Variants in UBE2R2 observed in about 807,000 individuals in gnomAD.
UBE2R2 encodes ubiquitin conjugating enzyme E2 R2, also known as ubiquitin-conjugating enzyme E2 R2.
UBE2R2 carries 1 observed loss-of-function variant against 27.8 expected under a neutral mutation model. The observed-to-expected ratio is 0.04, with a 90% confidence interval of 0.01 to 0.17. UBE2R2 has a LOEUF of 0.17. Among genes scored for constraint, UBE2R2 ranks in the 10% least tolerant of loss-of-function variants. The pLI, the probability that UBE2R2 is intolerant of heterozygous loss-of-function variation, is 1.00. For synonymous variants in UBE2R2, 106 were observed against 113.3 expected (o/e 0.94, Z 0.41); for missense variants, 100 against 291.0 (o/e 0.34, Z 4.78).
At chr9:33,905,479 A>G (rs540143020) in intron 3 of UBE2R2, among the ~76,000 whole-genome samples, 2 of 152,276 alleles carry the variant, frequency 1.3e-5, no homozygotes, top group East Asian at 1.9e-4. Flanking sequence ...CAACCTGCCA[A>G]TTCCATTCTC....
At chr9:33,827,376 C>G (rs914423470) in intron 1 of UBE2R2, among the ~76,000 whole-genome samples, 5 of 152,158 alleles carry the variant, frequency 3.3e-5, no homozygotes, top group African/African-American at 9.6e-5. Flanking sequence ...CACCGTGGCT[C>G]ACGCCTGTAA....
chr9:33,886,516 G>T (rs1280169211), intron 1 of UBE2R2, among the ~76,000 whole-genome samples: 1 of 152,028 alleles, frequency 6.6e-6, no homozygotes, highest in African/African-American at 2.4e-5. Flanking sequence ...TTAGCCGGAC[G>T]TGGTGGCGTG....
intron 1 of UBE2R2, among the ~76,000 whole-genome samples, chr9:33,829,793 G>GTTTTT (rs36079457): frequency 3.1e-5 from 3 of 97,176 alleles, no homozygotes; most frequent in Non-Finnish European, 6.2e-5. Context: ...TAGTGCAATC[G>GTTTTT]TTTTTTTTTT....
rs763848223 is a variant in UBE2R2 at position 33,839,848 on chromosome 9, G to A, written c.177+21914G>A. ...CTGTCTCTACAAAAAAATCTAATAA[G>A]TTAGCCAAGTGTGGTGGTCTACCTG... is the stretch of plus-strand genomic sequence containing the variant. On this transcript the variant is annotated intron_variant, in intron 1 of 4. Coordinates refer to ENST00000263228, the MANE Select transcript of UBE2R2 (RefSeq NM_017811.4). 2.0e-5 allele frequency among the ~76,000 whole-genome samples: 3 copies of A among 152,086 alleles called. No individual in the cohort carries two copies. In the South Asian group the frequency reaches 6.2e-4, roughly 32 times the overall value.
chr9:33,835,212 A>T (rs1820591256), intron 1 of UBE2R2, among the ~76,000 whole-genome samples: 1 of 133,008 alleles, frequency 7.5e-6, no homozygotes, highest in Non-Finnish European at 1.5e-5. Context: ...TAATGGCATG[A>T]TCTTGGCTCA....
chr9:33,894,212 G>A (rs778598427), intron 2 of UBE2R2, among the ~76,000 whole-genome samples: 5 of 152,006 alleles, frequency 3.3e-5, no homozygotes, highest in Non-Finnish European at 7.4e-5. Context: ...CAGGAGGATT[G>A]CTTGAGGCTA....
chr9:33,846,549 G>T (rs1406977501), intron 1 of UBE2R2, among the ~76,000 whole-genome samples: 1 of 151,966 alleles, frequency 6.6e-6, no homozygotes, highest in African/African-American at 2.4e-5. Context: ...GTTAAGCAAT[G>T]ACAATAAAAA....
intron 1 of UBE2R2, among the ~76,000 whole-genome samples, chr9:33,885,974 T>C (rs1821844125): frequency 1.3e-5 from 2 of 152,190 alleles, no homozygotes; most frequent in South Asian, 4.1e-4. Context: ...AAATGGTTCA[T>C]GTAGGTATAC....
chr9:33,820,466 T>C (rs1031371533), intron 1 of UBE2R2, among the ~76,000 whole-genome samples: 1 of 152,230 alleles, frequency 6.6e-6, no homozygotes, highest in African/African-American at 2.4e-5. Flanking sequence ...TTTTATCCCA[T>C]TAGTTGTTCA....
intron 1 of UBE2R2, among the ~76,000 whole-genome samples, chr9:33,877,848 T>TCTCTCTCTCTCTCTCTCTCTCTCTCC (rs1554675202): frequency 6.6e-6 from 1 of 151,342 alleles, no homozygotes; most frequent in African/African-American, 2.4e-5. Flanking sequence ...TCTCTCTCTC[T>TCTCTCTCTCTCTCTCTCTCTCTCTCC]CCCACTCTCC....
chr9:33,843,214 A>G (rs1223098697), intron 1 of UBE2R2, among the ~76,000 whole-genome samples: 1 of 151,536 alleles, frequency 6.6e-6, no homozygotes, highest in South Asian at 2.1e-4. Flanking sequence ...CCGCCCAGCT[A>G]ATTTTTGTAT....
At chr9:33,865,279 C>CACCGCA (rs1001084397) in intron 1 of UBE2R2, among the ~76,000 whole-genome samples, 57 of 151,882 alleles carry the variant, frequency 3.8e-4, no homozygotes, top group Non-Finnish European at 6.6e-4. Flanking sequence ...TCGGCTCACT[C>CACCGCA]ACCGCAACCT....
chr9:33,907,592 A>G (rs1400423968), intron 3 of UBE2R2, among the ~76,000 whole-genome samples: 1 of 151,866 alleles, frequency 6.6e-6, no homozygotes, highest in Non-Finnish European at 1.5e-5. Flanking sequence ...CGTGGAGTAG[A>G]GAAGGGTGGT....
chr9:33,887,223 G>A (rs899510486), intron 2 of UBE2R2, among the ~76,000 whole-genome samples: 1 of 152,100 alleles, frequency 6.6e-6, no homozygotes, highest in African/African-American at 2.4e-5. Context: ...TTCATTGCTA[G>A]GGTTATAATA....
chr9:33,844,309 ATT>A (rs1189739674), intron 1 of UBE2R2, among the ~76,000 whole-genome samples: 5 of 152,054 alleles, frequency 3.3e-5, no homozygotes, highest in African/African-American at 1.2e-4. Flanking sequence ...GGTTCAAGCG[ATT>A]CTTCTGCCTC....
At chr9:33,846,387 T>C (rs1228784622) in intron 1 of UBE2R2, among the ~76,000 whole-genome samples, 1 of 152,202 alleles carries the variant, frequency 6.6e-6, no homozygotes, top group Non-Finnish European at 1.5e-5. Flanking sequence ...TGTCTATGAA[T>C]AGTGTATTTT....
chr9:33,850,314 AG>A (rs1820937784), intron 1 of UBE2R2, among the ~76,000 whole-genome samples: 2 of 152,198 alleles, frequency 1.3e-5, no homozygotes, highest in Admixed American at 1.3e-4. Flanking sequence ...CTTAGGAGTT[AG>A]GGATGCCCAG....
chr9:33,821,400 C>T (rs1825979090), intron 1 of UBE2R2, among the ~76,000 whole-genome samples: 1 of 151,796 alleles, frequency 6.6e-6, no homozygotes, highest in Admixed American at 6.6e-5. Context: ...TCAAAGGATC[C>T]TCCTTTCTCA....
chr9:33,826,836 A>C lies in UBE2R2; in HGVS notation c.177+8902A>C, dbSNP rs530968174. ...CTCACGATTATAATTTTTACCCAGCACTTTGGGAGGCAGAGGTGGGCAGAT... is the reference window on the plus strand; with the variant it reads ...CTCACGATTATAATTTTTACCCAGCCCTTTGGGAGGCAGAGGTGGGCAGAT... On this transcript the variant is annotated intron_variant, in intron 1 of 4. Transcript: ENST00000263228. 1.6e-4 allele frequency among the ~76,000 whole-genome samples: 24 copies of C among 152,312 alleles called. No individual in the cohort carries two copies. In the South Asian group the frequency reaches 4.8e-3, roughly 30 times the overall value.
Sources: allele counts gnomAD v4.1 joint callset (sites outside exome capture counted in the v4.1 genomes callset), GRCh38; gene constraint gnomAD v4.1.1; transcripts MANE v1.5; gene names NCBI Gene and HGNC (gene_info 2026-07-23, HGNC 2026-07-21).